The following CYP7B1 variants were observed in gnomAD, a reference collection of about 807,000 sequenced individuals.
CYP7B1 encodes cytochrome P450 family 7 subfamily B member 1.
CYP7B1 carries 29 observed loss-of-function variants against 42.7 expected under a neutral mutation model. The observed-to-expected ratio is 0.68, with a 90% CI of 0.51 to 0.93. CYP7B1 has a LOEUF of 0.93. Ranked by LOEUF, CYP7B1 falls within the 40% of genes least tolerant of loss-of-function variation. The pLI, the probability that CYP7B1 is intolerant of heterozygous loss-of-function variation, is 0.00. For synonymous variants in CYP7B1, 235 were observed against 218.2 expected (o/e 1.08, Z -0.68); for missense variants, 655 against 600.5 (o/e 1.09, Z -0.95).
chr8:64,789,431 G>A (rs1002981857), intron 1 of CYP7B1, among the ~76,000 whole-genome samples: 2 of 152,152 alleles, frequency 1.3e-5, no homozygotes, highest in African/African-American at 4.8e-5. Flanking sequence ...TGATAAGGCA[G>A]TAAGAGTCCC....
intron 1 of CYP7B1, among the ~76,000 whole-genome samples, chr8:64,725,280 G>A (rs1321891190): frequency 5.3e-5 from 8 of 152,206 alleles, no homozygotes; most frequent in Non-Finnish European, 1.2e-4. Flanking sequence ...TTGTTAAGCT[G>A]TGTTTTGTTA....
intron 1 of CYP7B1, among the ~76,000 whole-genome samples, chr8:64,644,681 T>C (rs1805920736): frequency 6.6e-6 from 1 of 152,196 alleles, no homozygotes; most frequent in South Asian, 2.1e-4. Flanking sequence ...AAATATTCAG[T>C]AACCTATGCT....
At chr8:64,648,781 C>T (rs1008442641) in intron 1 of CYP7B1, among the ~76,000 whole-genome samples, 5 of 152,078 alleles carry the variant, frequency 3.3e-5, no homozygotes, top group African/African-American at 1.2e-4. Context: ...CCATAAAATG[C>T]ATATTGTAAT....
intron 1 of CYP7B1, among the ~76,000 whole-genome samples, chr8:64,777,597 C>T (rs1005210522): frequency 2.6e-5 from 4 of 152,060 alleles, no homozygotes; most frequent in African/African-American, 9.7e-5. Context: ...GTCATTACAA[C>T]TTTATTACAT....
intron 1 of CYP7B1, among the ~76,000 whole-genome samples, chr8:64,726,740 G>A (rs916456587): frequency 6.6e-6 from 1 of 152,180 alleles, no homozygotes; most frequent in African/African-American, 2.4e-5. Flanking sequence ...TTTTGGAAAC[G>A]ATTCTGAAGT....
chr8:64,788,933 T>C (rs967642827), intron 1 of CYP7B1, among the ~76,000 whole-genome samples: 3 of 152,172 alleles, frequency 2.0e-5, no homozygotes, highest in African/African-American at 7.2e-5. Context: ...TCTTTTTTCT[T>C]ATTTTCAGAT....
At chr8:64,681,824 C>T (rs926818767) in intron 1 of CYP7B1, among the ~76,000 whole-genome samples, 4 of 152,138 alleles carry the variant, frequency 2.6e-5, no homozygotes, top group Non-Finnish European at 5.9e-5. Context: ...CCCAGATTCT[C>T]GGACCTCAGA....
At chr8:64,667,866 CACATAG>C (rs1221834594) in intron 1 of CYP7B1, among the ~76,000 whole-genome samples, 20 of 152,256 alleles carry the variant, frequency 1.3e-4, no homozygotes, top group African/African-American at 4.6e-4. Context: ...ATATAGCATA[CACATAG>C]TAGGCGTTCT....
intron 2 of CYP7B1, among the ~76,000 whole-genome samples, chr8:64,616,955 C>T (rs1021122195): frequency 6.6e-6 from 1 of 152,152 alleles, no homozygotes; most frequent in African/African-American, 2.4e-5. Flanking sequence ...AGTCATTCAC[C>T]ATTCACCACA....
At chr8:64,606,590 A>C (rs1563540401) in intron 4 of CYP7B1, among the ~76,000 whole-genome samples, 1 of 152,186 alleles carries the variant, frequency 6.6e-6, no homozygotes, top group Non-Finnish European at 1.5e-5. Flanking sequence ...CTCGGGAAGC[A>C]TGGCAGCTTG....
At chr8:64,624,587 A>C in intron 1 of CYP7B1, 48 bp from the exon 2 acceptor site, 2 of 1,605,058 alleles carry the variant, frequency 1.2e-6, no homozygotes, top group South Asian at 2.2e-5. Flanking sequence ...AAATCAAATC[A>C]TTCTTATTCG....
In CYP7B1 at chr8:64,798,518, G is replaced by C. The variant is rs1804748061; in HGVS notation, c.70C>G (p.Leu24Val). The change falls in exon 1 of 6, where the codon CTC becomes GTC. Residue 24 changes from leucine to valine, a missense_variant. Coordinates refer to ENST00000310193, the MANE Select transcript of CYP7B1 (RefSeq NM_004820.5). The stretch of plus-strand genomic sequence containing the variant: ...GCCAGGAGCAGCAGGGCCGCGGCGA[G>C]GGCCAGGCCCGGGAGGCCCAACCGC... ...LERLGLPGLA[L>V]AAALLLLALC... The C allele has an allele frequency of 1.3e-6, 2 of 1,504,506 alleles. No individual in the cohort carries two copies. The highest frequency in any genetic ancestry group is 1.5e-5 in the African/African-American group (1 of 68,944). The allele number at this position is 1,504,506 out of a possible 1,614,324, so 93.2% of individuals were successfully genotyped here.
At chr8:64,692,233 CA>C (rs1806757853) in intron 1 of CYP7B1, among the ~76,000 whole-genome samples, 1 of 152,336 alleles carries the variant, frequency 6.6e-6, no homozygotes, top group Non-Finnish European at 1.5e-5. Flanking sequence ...CTGACTAGCC[CA>C]TTTAAGCATT....
At chr8:64,710,995 T>C (rs886639897) in intron 1 of CYP7B1, among the ~76,000 whole-genome samples, 1 of 152,156 alleles carries the variant, frequency 6.6e-6, no homozygotes, top group African/African-American at 2.4e-5. Flanking sequence ...ACCTTAAGAA[T>C]ACTTTATCTA....
At chr8:64,620,385 C>T (rs1341145798) in intron 2 of CYP7B1, among the ~76,000 whole-genome samples, 1 of 152,116 alleles carries the variant, frequency 6.6e-6, no homozygotes, top group Non-Finnish European at 1.5e-5. Context: ...GAAGATTTCA[C>T]TAGCTGCTGA....
At chr8:64,620,410 G>A (rs1032520344) in intron 2 of CYP7B1, among the ~76,000 whole-genome samples, 3 of 152,090 alleles carry the variant, frequency 2.0e-5, no homozygotes. Context: ...GATGTACAGT[G>A]GTGCTTTGCT....
At position 64,660,663 on chromosome 8, in the gene CYP7B1, T is replaced by C. The variant is rs376077246; in HGVS notation, c.123-36124A>G. On this transcript the variant is annotated intron_variant, in intron 1 of 5. Transcript: ENST00000310193. Reference sequence around the variant, plus strand: ...AGCCACAGTCTTTTCTGTAACCTAATATTGGAAGTAAATTCCCATTATTTC... The same window carrying C: ...AGCCACAGTCTTTTCTGTAACCTAACATTGGAAGTAAATTCCCATTATTTC... 1.1e-3 allele frequency among the ~76,000 whole-genome samples: 172 copies of C among 152,324 alleles called. 1 individual carries two copies. The South Asian group carries it at 0.019, about 17-fold the overall frequency.
chr8:64,728,643 C>T (rs1807358612), intron 1 of CYP7B1, among the ~76,000 whole-genome samples: 1 of 152,146 alleles, frequency 6.6e-6, no homozygotes, highest in Non-Finnish European at 1.5e-5. Context: ...GAAGCTGACA[C>T]ATACTAAATG....
At chr8:64,665,147 G>A (rs1806255601) in intron 1 of CYP7B1, among the ~76,000 whole-genome samples, 1 of 152,126 alleles carries the variant, frequency 6.6e-6, no homozygotes, top group African/African-American at 2.4e-5. Flanking sequence ...CTGTGTTACA[G>A]GTACCAGGTC....
Sources: allele counts gnomAD v4.1 joint callset (sites outside exome capture counted in the v4.1 genomes callset), GRCh38; gene constraint gnomAD v4.1.1; transcripts MANE v1.5; gene names NCBI Gene and HGNC (gene_info 2026-07-23, HGNC 2026-07-21).